AGPAT4: variants seen among roughly 807,000 people sequenced by gnomAD.
The protein encoded by AGPAT4 is 1-acyl-sn-glycerol-3-phosphate acyltransferase delta.
In AGPAT4, 15 loss-of-function variants were observed where a neutral mutation model predicts 48.0. The ratio of observed to expected loss-of-function variants is 0.31; its 90% CI spans 0.21 to 0.48. The LOEUF is 0.48. Among genes scored for constraint, AGPAT4 ranks in the 20% least tolerant of loss-of-function variants. The pLI, the probability that AGPAT4 is intolerant of heterozygous loss-of-function variation, is 0.99. For synonymous variants in AGPAT4, 178 were observed against 198.7 expected (o/e 0.90, Z 0.88); for missense variants, 314 against 482.5 (o/e 0.65, Z 3.27).
chr6:161,162,766 G>A (rs1274510273), intron 3 of AGPAT4, among the ~76,000 whole-genome samples: 1 of 152,238 alleles, frequency 6.6e-6, no homozygotes, highest in Non-Finnish European at 1.5e-5. Context: ...AATAGCTGCT[G>A]CTCATGGTGT....
rs1219736267 is a variant in AGPAT4 at position 161,254,148 on chromosome 6, AAT to A, written c.-90+19788_-90+19789del. 6.6e-6 allele frequency among the ~76,000 whole-genome samples: 1 copy of A among 152,200 alleles called. No homozygotes were observed. Among genetic ancestry groups the A allele is most frequent in the Non-Finnish European group, 1.5e-5 (1 of 68,040 alleles). ...TATCAAAAGTATTAACCACTTGGTC[AAT>A]ATATTTAACTTTTTTTAAAAAAAGA... is the stretch of plus-strand genomic sequence containing the variant. On this transcript the variant is annotated intron_variant, in intron 1 of 8. Coordinates refer to ENST00000320285, the MANE Select transcript of AGPAT4 (RefSeq NM_020133.3). The surrounding 1 kb of genome is among the most constrained non-coding windows in gnomAD (Gnocchi z 5.9).
rs1356611955 is a variant in AGPAT4 at position 161,240,214 on chromosome 6, T to TTG, written c.-89-7914_-89-7913dup. On this transcript the variant is annotated intron_variant, in intron 1 of 8. Coordinates refer to ENST00000320285, the MANE Select transcript of AGPAT4 (RefSeq NM_020133.3). This position sits in a 1 kb window ranked among gnomAD's most constrained non-coding sequence, Gnocchi z 5.5. Reference sequence around the variant, plus strand: ...ACCAAAACACTAACAGCAGATATCTTTGTGTATACACACACACACACACAC... The same window carrying TTG: ...ACCAAAACACTAACAGCAGATATCTTTGTGTGTATACACACACACACACACAC... Among the ~76,000 whole-genome samples the TTG allele has an allele frequency of 7.3e-6, 1 of 136,726 alleles. No individual in the cohort carries two copies. Among genetic ancestry groups the TTG allele is most frequent in the Non-Finnish European group, 1.6e-5 (1 of 64,426 alleles). The allele number at this position is 136,726 out of a possible 152,430, so 89.7% of individuals were successfully genotyped here. A position where few individuals can be genotyped will look rare whatever the true frequency, so the allele number is the denominator to read the frequency against.
Position 161,217,951 on chromosome 6 carries a change from T to A in AGPAT4, c.178+14085A>T, listed in dbSNP as rs562550342. ...ACTGTGACTGGGTTGAAGGACAAGGTCTCTTCCTCATCTCCCAACTCACCT... is the reference window on the plus strand; with the variant it reads ...ACTGTGACTGGGTTGAAGGACAAGGACTCTTCCTCATCTCCCAACTCACCT... On this transcript the variant is annotated intron_variant, in intron 2 of 8. Transcript: ENST00000320285. The surrounding 1 kb of genome is among the most constrained non-coding windows in gnomAD (Gnocchi z 4.9). Among the ~76,000 whole-genome samples, 1 of 152,296 alleles carries A rather than the reference T, an allele frequency of 6.6e-6. No individual in the cohort carries two copies. Among genetic ancestry groups the A allele is most frequent in the African/African-American group, 2.4e-5 (1 of 41,566 alleles).
rs903014723 is a variant in AGPAT4, at chr6:161,195,258, G to A, written c.179-28841C>T. Among the ~76,000 whole-genome samples the A allele has an allele frequency of 1.3e-5, 2 of 152,078 alleles. No homozygotes were observed. Among genetic ancestry groups the A allele is most frequent in the African/African-American group, 4.8e-5 (2 of 41,396 alleles). ...AAGGATAATTCAAGACAAGAAACTGGCACCTATTTTCAGGGTAAGAGTCCA... is the reference window on the plus strand; with the variant it reads ...AAGGATAATTCAAGACAAGAAACTGACACCTATTTTCAGGGTAAGAGTCCA... On this transcript the variant is annotated intron_variant, in intron 2 of 8. Transcript: ENST00000320285. This position sits in a 1 kb window ranked among gnomAD's most constrained non-coding sequence, Gnocchi z 5.0.
rs542378445 is a variant in AGPAT4, at chr6:161,273,656, G to GAAC, written c.-90+279_-90+281dup. Among the ~76,000 whole-genome samples the GAAC allele has an allele frequency of 1.8e-3, 281 of 152,154 alleles. 3 individuals carry two copies. In the Middle Eastern group the frequency reaches 0.024, roughly 13 times the overall value. ...TGGGTGGGTGGGTAAATGAAGCCAG[G>GAAC]AACAGCAGCTTGAAATCACAGCCCA... On this transcript the variant is annotated intron_variant, in intron 1 of 8. Coordinates refer to ENST00000320285, the MANE Select transcript of AGPAT4 (RefSeq NM_020133.3).
Position 161,165,451 on chromosome 6 carries a change from T to C in AGPAT4, c.348+797A>G, listed in dbSNP as rs1780067221. On this transcript the variant is annotated intron_variant, in intron 3 of 8. Coordinates refer to ENST00000320285, the MANE Select transcript of AGPAT4 (RefSeq NM_020133.3). The surrounding 1 kb of genome is among the most constrained non-coding windows in gnomAD (Gnocchi z 5.5). ...AGCAAGGTGATTTCAGCAGCCCCCGTATCTGTTCTACAGGGCATTGTTCCC... is the reference window on the plus strand; with the variant it reads ...AGCAAGGTGATTTCAGCAGCCCCCGCATCTGTTCTACAGGGCATTGTTCCC... 7.1e-6 allele frequency: 3 copies of C among 420,820 alleles called. No individual in the cohort carries two copies. 26.1% of individuals were successfully genotyped at this position (420,820 alleles called of 1,614,324 possible).
At chr6:161,157,914 T>C (rs922193542) in intron 3 of AGPAT4, among the ~76,000 whole-genome samples, 1 of 152,210 alleles carries the variant, frequency 6.6e-6, no homozygotes, top group South Asian at 2.1e-4. Flanking sequence ...GTTTCCCCTC[T>C]GTGTGATGAG....
Position 161,146,935 on chromosome 6 carries a change from A to G in AGPAT4, c.768-336T>C, listed in dbSNP as rs1307230236. Among the ~76,000 whole-genome samples the G allele has an allele frequency of 6.6e-6, 1 of 152,174 alleles. No individual in the cohort carries two copies. Among genetic ancestry groups the G allele is most frequent in the Non-Finnish European group, 1.5e-5 (1 of 68,026 alleles). On this transcript the variant is annotated intron_variant, in intron 6 of 8. Coordinates refer to ENST00000320285, the MANE Select transcript of AGPAT4 (RefSeq NM_020133.3). The surrounding 1 kb of genome is among the most constrained non-coding windows in gnomAD (Gnocchi z 7.1). ...CTGATATTTGCCTCTTCCAAAGAGG[A>G]CAACACTGCCTCAGTTTCCACACGA...
In AGPAT4 at chr6:161,165,104, GA is replaced by G. The variant is rs1780055961; in HGVS notation, c.348+1143del. Among the ~76,000 whole-genome samples the G allele has an allele frequency of 6.6e-6, 1 of 152,188 alleles. No individual in the cohort carries two copies. The highest frequency in any genetic ancestry group is 1.5e-5 in the Non-Finnish European group (1 of 68,034). On this transcript the variant is annotated intron_variant, in intron 3 of 8. Transcript: ENST00000320285. This position sits in a 1 kb window ranked among gnomAD's most constrained non-coding sequence, Gnocchi z 5.5. ...CATTCTAAGGGGCGATCTCTCATCA[GA>G]GAGAATAAATCCACAAAGCTGTAAC...
Position 161,243,693 on chromosome 6 carries a change from C to T in AGPAT4, c.-89-11391G>A, listed in dbSNP as rs1030266608. 6.6e-6 allele frequency among the ~76,000 whole-genome samples: 1 copy of T among 152,192 alleles called. No individual in the cohort carries two copies. The highest frequency in any genetic ancestry group is 2.4e-5 in the African/African-American group (1 of 41,458). On this transcript the variant is annotated intron_variant, in intron 1 of 8. Coordinates refer to ENST00000320285, the MANE Select transcript of AGPAT4 (RefSeq NM_020133.3). This position sits in a 1 kb window ranked among gnomAD's most constrained non-coding sequence, Gnocchi z 4.8. Reference sequence around the variant, plus strand: ...TCAGTCGAAGCCCCTGCCTCTCTCCCGGGCTGACCGGTCTCCTCCTTCCCT... The same window carrying T: ...TCAGTCGAAGCCCCTGCCTCTCTCCTGGGCTGACCGGTCTCCTCCTTCCCT...
At chr6:161,191,952 C>G (rs1391478676) in intron 2 of AGPAT4, among the ~76,000 whole-genome samples, 1 of 151,958 alleles carries the variant, frequency 6.6e-6, no homozygotes, top group Non-Finnish European at 1.5e-5. Context: ...CTTCCTCTCC[C>G]CTGGTTAGGA....
Position 161,232,543 on chromosome 6 carries a change from A to G in AGPAT4, c.-89-241T>C, listed in dbSNP as rs1030995065. On this transcript the variant is annotated intron_variant, in intron 1 of 8. Transcript: ENST00000320285. The surrounding 1 kb of genome is among the most constrained non-coding windows in gnomAD (Gnocchi z 6.8). ...CCTCTGAGGTTGGTACTTTGATTTC[A>G]GATGAGGAAACTGAGTCCTGGAAGG... Among the ~76,000 whole-genome samples the G allele has an allele frequency of 1.3e-5, 2 of 152,174 alleles. No homozygotes were observed. The highest frequency in any genetic ancestry group is 4.8e-5 in the African/African-American group (2 of 41,450).
In AGPAT4 at chr6:161,198,608, C is replaced by T. The variant is rs1177166677; in HGVS notation, c.179-32191G>A. On this transcript the variant is annotated intron_variant, in intron 2 of 8. Transcript: ENST00000320285. The surrounding 1 kb of genome is among the most constrained non-coding windows in gnomAD (Gnocchi z 4.3). ...CAGGCTGGGTTACATCCTGGCCCCACCATCTACTACTTGTGAGACTTTGGA... is the reference window on the plus strand; with the variant it reads ...CAGGCTGGGTTACATCCTGGCCCCATCATCTACTACTTGTGAGACTTTGGA... Among the ~76,000 whole-genome samples the T allele has an allele frequency of 6.6e-6, 1 of 152,234 alleles. No homozygotes were observed. Among genetic ancestry groups the T allele is most frequent in the East Asian group, 1.9e-4 (1 of 5,202 alleles).
At chr6:161,191,341 T>C (rs1181178366) in intron 2 of AGPAT4, among the ~76,000 whole-genome samples, 2 of 152,050 alleles carry the variant, frequency 1.3e-5, no homozygotes, top group Admixed American at 1.3e-4. Context: ...GAATAAGAAG[T>C]ATGGAAGAGT....
At position 161,180,001 on chromosome 6, in the gene AGPAT4, G is replaced by C. The variant is rs1780538857; in HGVS notation, c.179-13584C>G. Among the ~76,000 whole-genome samples the C allele has an allele frequency of 6.6e-6, 1 of 152,104 alleles. No individual in the cohort carries two copies. The highest frequency in any genetic ancestry group is 1.5e-5 in the Non-Finnish European group (1 of 68,008). ...AGAAAGACAGGAAAGAAATTAAGAAGCATGCCCTGAATCCACTTCTAGGCA... is the reference window on the plus strand; with the variant it reads ...AGAAAGACAGGAAAGAAATTAAGAACCATGCCCTGAATCCACTTCTAGGCA... On this transcript the variant is annotated intron_variant, in intron 2 of 8. Transcript: ENST00000320285. This position sits in a 1 kb window ranked among gnomAD's most constrained non-coding sequence, Gnocchi z 6.4.
chr6:161,192,796 G>C (rs890807991), intron 2 of AGPAT4, among the ~76,000 whole-genome samples: 2 of 152,174 alleles, frequency 1.3e-5, no homozygotes, highest in Non-Finnish European at 1.5e-5. Context: ...TTCTAGACTA[G>C]AACTTCTTTT....
At chr6:161,175,149 G>A (rs1324604867) in intron 2 of AGPAT4, among the ~76,000 whole-genome samples, 2 of 152,148 alleles carry the variant, frequency 1.3e-5, no homozygotes, top group Non-Finnish European at 2.9e-5. Context: ...GTATCAGGAT[G>A]ATGCTGGCCT....
Position 161,221,586 on chromosome 6 carries a change from G to A in AGPAT4, c.178+10450C>T, listed in dbSNP as rs188237598. On this transcript the variant is annotated intron_variant, in intron 2 of 8. Transcript: ENST00000320285. This position sits in a 1 kb window ranked among gnomAD's most constrained non-coding sequence, Gnocchi z 4.5. The stretch of plus-strand genomic sequence containing the variant: ...CACAGTAGAAGAAAAGACTTAGAAC[G>A]CAGACTGGATTCATTTCCTGGGGCT... Among the ~76,000 whole-genome samples, 34 of 152,244 alleles carry A rather than the reference G, an allele frequency of 2.2e-4. No individual in the cohort carries two copies. Among genetic ancestry groups the A allele is most frequent in the African/African-American group, 7.9e-4 (33 of 41,548 alleles).
rs551528441 is a variant in AGPAT4, at chr6:161,243,947, G to A, written c.-89-11645C>T. 5.3e-5 allele frequency among the ~76,000 whole-genome samples: 8 copies of A among 152,338 alleles called. No individual in the cohort carries two copies. Among genetic ancestry groups the A allele is most frequent in the African/African-American group, 1.7e-4 (7 of 41,588 alleles). ...ATTATGTCCTTATTCCCAGCCCAGAGGAAGGCAGTTCAAAGTCATTGGTTT... is the reference window on the plus strand; with the variant it reads ...ATTATGTCCTTATTCCCAGCCCAGAAGAAGGCAGTTCAAAGTCATTGGTTT... On this transcript the variant is annotated intron_variant, in intron 1 of 8. Transcript: ENST00000320285. The surrounding 1 kb of genome is among the most constrained non-coding windows in gnomAD (Gnocchi z 4.8).
Sources: allele counts gnomAD v4.1 joint callset (sites outside exome capture counted in the v4.1 genomes callset), GRCh38; gene constraint gnomAD v4.1.1; non-coding constraint Gnocchi (gnomAD v3.1); transcripts MANE v1.5; gene names NCBI Gene and HGNC (gene_info 2026-07-23, HGNC 2026-07-21).